TAS2R1: variants seen among roughly 807,000 people sequenced by gnomAD.
TAS2R1 encodes the protein taste 2 receptor member 1, also known as taste receptor type 2 member 1.
For synonymous variants in TAS2R1, 141 were observed against 134.2 expected (o/e 1.05, Z -0.35); for missense variants, 370 against 353.4 (o/e 1.05, Z -0.38).
At chr5:9,868,603 T>C in the TAS2R1 span, among the ~76,000 whole-genome samples, 1 of 152,216 alleles carries the variant, frequency 6.6e-6, no homozygotes, top group East Asian at 1.9e-4. Context: ...TGAAGGTCTC[T>C]GACATGCTTT....
the TAS2R1 span, among the ~76,000 whole-genome samples, chr5:9,798,778 C>T: frequency 1.3e-5 from 2 of 152,186 alleles, no homozygotes; most frequent in African/African-American, 4.8e-5. Context: ...ACTGTGCCAA[C>T]GTAAGTAAAA....
At position 9,629,432 on chromosome 5, in the gene TAS2R1, G is replaced by A. The variant is rs778427241; in HGVS notation, c.601C>T (p.Leu201=). 19 of 1,614,030 alleles carry A rather than the reference G, an allele frequency of 1.2e-5. No individual in the cohort carries two copies. Among genetic ancestry groups the A allele is most frequent in the Non-Finnish European group, 1.6e-5 (19 of 1,180,036 alleles). The change falls in exon 1 of 1, where the codon CTG becomes TTG. Residue 201 remains leucine (L), a synonymous_variant. Coordinates refer to ENST00000382492, the MANE Select transcript of TAS2R1 (RefSeq NM_019599.3). ...LFAVLLLIFS[L]GRHTRQMRNT... ...CTCATTTGCCGGGTGTGCCTCCCCA[G>A]AGAGAAAATCAAGAGCAAAACAGCA... is the stretch of plus-strand genomic sequence containing the variant.
At chr5:9,812,706 G>A in the TAS2R1 span, among the ~76,000 whole-genome samples, 6 of 152,240 alleles carry the variant, frequency 3.9e-5, no homozygotes, top group South Asian at 1.0e-3. Context: ...CTTAGTAACA[G>A]TCACCACGGT....
At chr5:9,668,752 C>T (rs1172498666) in intron 1 of TAS2R1, among the ~76,000 whole-genome samples, 1 of 151,962 alleles carries the variant, frequency 6.6e-6, no homozygotes, top group Non-Finnish European at 1.5e-5. Flanking sequence ...ACTAGAGGTC[C>T]TTAAGCAAGT....
chr5:9,740,892 G>T, the TAS2R1 span, among the ~76,000 whole-genome samples: 1 of 152,156 alleles, frequency 6.6e-6, no homozygotes, highest in Non-Finnish European at 1.5e-5. Flanking sequence ...ATTTAGATAA[G>T]CACCATTAAA....
chr5:9,827,861 T>C, the TAS2R1 span, among the ~76,000 whole-genome samples: 5 of 152,192 alleles, frequency 3.3e-5, no homozygotes, highest in Non-Finnish European at 7.3e-5. Context: ...TTCCTTATTA[T>C]CACAATAAAA....
At chr5:9,794,594 AT>A in the TAS2R1 span, among the ~76,000 whole-genome samples, 1 of 152,210 alleles carries the variant, frequency 6.6e-6, no homozygotes, top group Non-Finnish European at 1.5e-5. Context: ...TTAAGAAAAA[AT>A]TAATTTTCAA....
chr5:9,861,195 G>A, the TAS2R1 span, among the ~76,000 whole-genome samples: 2 of 151,732 alleles, frequency 1.3e-5, no homozygotes, highest in South Asian at 2.1e-4. Context: ...ATTCTTTCAC[G>A]CTGGTGGAAA....
intron 1 of TAS2R1, among the ~76,000 whole-genome samples, chr5:9,662,931 A>G (rs1019270471): frequency 4.6e-5 from 7 of 152,192 alleles, no homozygotes; most frequent in Non-Finnish European, 8.8e-5. Context: ...CAAAAAATCA[A>G]TTGTCATTTT....
chr5:9,785,096 A>G, the TAS2R1 span, among the ~76,000 whole-genome samples: 1 of 152,178 alleles, frequency 6.6e-6, no homozygotes, highest in African/African-American at 2.4e-5. Flanking sequence ...TACTGGAATG[A>G]AACCTTATCT....
the TAS2R1 span, among the ~76,000 whole-genome samples, chr5:9,751,282 C>T: frequency 2.0e-4 from 30 of 151,960 alleles, no homozygotes; most frequent in Non-Finnish European, 3.7e-4. Context: ...CTCCCCCACC[C>T]CCACCAAAAG....
At chr5:9,814,751 T>C in the TAS2R1 span, among the ~76,000 whole-genome samples, 1 of 152,328 alleles carries the variant, frequency 6.6e-6, no homozygotes, top group East Asian at 1.9e-4. Flanking sequence ...TATATTTCTT[T>C]TGCTGGATCT....
the TAS2R1 span, among the ~76,000 whole-genome samples, chr5:9,870,380 G>T: frequency 3.2e-4 from 49 of 152,238 alleles, no homozygotes; most frequent in South Asian, 0.01. Flanking sequence ...CAAAACAAGT[G>T]CTTTGTTTCA....
the TAS2R1 span, among the ~76,000 whole-genome samples, chr5:9,725,894 G>T: frequency 6.6e-6 from 1 of 151,282 alleles, no homozygotes; most frequent in African/African-American, 2.4e-5. Context: ...ATGCACCAGT[G>T]GACACTCTGT....
At chr5:9,708,002 C>A (rs928594183) in intron 1 of TAS2R1, among the ~76,000 whole-genome samples, 1 of 152,062 alleles carries the variant, frequency 6.6e-6, no homozygotes. Flanking sequence ...TTATCTCTAG[C>A]GTTTAATGAA....
chr5:9,701,806 G>A (rs1741489786), intron 1 of TAS2R1, among the ~76,000 whole-genome samples: 1 of 152,048 alleles, frequency 6.6e-6, no homozygotes, highest in Non-Finnish European at 1.5e-5. Flanking sequence ...CAAAATTATA[G>A]TTCCTCTTCT....
At chr5:9,646,641 A>C (rs1331469544) in intron 2 of TAS2R1, among the ~76,000 whole-genome samples, 1 of 152,166 alleles carries the variant, frequency 6.6e-6, no homozygotes, top group Non-Finnish European at 1.5e-5. Context: ...AGATTTTCAT[A>C]TATAGAAGCT....
chr5:9,670,158 A>T (rs375051708), intron 1 of TAS2R1, among the ~76,000 whole-genome samples: 1 of 152,148 alleles, frequency 6.6e-6, no homozygotes, highest in South Asian at 2.1e-4. Context: ...TAGAGGAAAT[A>T]GATAAACTCC....
the TAS2R1 span, chr5:9,903,505 C>T: frequency 6.6e-6 from 1 of 152,118 alleles, no homozygotes; most frequent in South Asian, 2.1e-4. Context: ...TCCCCAAAGT[C>T]CATTGTATCA....
Sources: gnomAD v4.1 joint callset for allele counts (sites outside exome capture counted in the v4.1 genomes callset) on GRCh38, gnomAD v4.1.1 for gene constraint, MANE v1.5 for transcripts, NCBI Gene and HGNC (gene_info 2026-07-23, HGNC 2026-07-21) for gene names.